RASL12: variants seen among roughly 807,000 people sequenced by gnomAD.
The protein encoded by RASL12 is ras-like protein family member 12.
In RASL12, 16 loss-of-function variants were observed where a neutral mutation model predicts 22.9. The observed-to-expected ratio is 0.70, with a 90% CI of 0.47 to 1.06. The LOEUF (loss-of-function observed/expected upper bound fraction) is 1.06, where lower values mean the gene tolerates loss of function less well. RASL12 is among the 50% of genes least tolerant of loss of function. RASL12 has a pLI of 0.00. For missense variants in RASL12, 306 were observed against 353.1 expected, an observed-to-expected ratio of 0.87 and a Z score of 1.07; for synonymous variants, 159 against 152.2, an observed-to-expected ratio of 1.04 and a Z score of -0.33.
At chr15:65,074,809 C>T (rs562017198) in intron 1 of RASL12, among the ~76,000 whole-genome samples, 8 of 152,372 alleles carry the variant, frequency 5.3e-5, no homozygotes, top group East Asian at 3.9e-4. Flanking sequence ...TGCGCCCGCA[C>T]GCTGCAGGTG....
At chr15:65,072,508 C>A (rs907568924), upstream of RASL12, among the ~76,000 whole-genome samples, 5 of 152,192 alleles carry the variant, frequency 3.3e-5, no homozygotes, top group Admixed American at 6.5e-5. Context: ...CCTAAGAAGG[C>A]CTGCAGGTAA....
chr15:65,076,502 C>A, intron 1 of RASL12: 1 of 685,728 alleles, frequency 1.5e-6, no homozygotes, highest in South Asian at 1.6e-5. Flanking sequence ...ACTCCAGACA[C>A]GCTACCTTAA....
chr15:65,067,212 G>T (rs2086888009), intron 1 of RASL12, among the ~76,000 whole-genome samples: 1 of 152,092 alleles, frequency 6.6e-6, no homozygotes, highest in Non-Finnish European at 1.5e-5. Flanking sequence ...GAGGGGGAGG[G>T]GTTGGACGGG....
At chr15:65,065,475 T>C (rs2140530472) in intron 1 of RASL12, among the ~76,000 whole-genome samples, 1 of 152,232 alleles carries the variant, frequency 6.6e-6, no homozygotes, top group East Asian at 1.9e-4. Context: ...CAAGTGCCTC[T>C]AATTGCACCG....
In RASL12 at chr15:65,067,943, GC is replaced by G; in HGVS notation, c.-109del. On this transcript the variant is annotated 5_prime_UTR_variant, in exon 1 of 5. Transcript: ENST00000220062. ...GATGCAGGCTTCCCTGGAGCGCGCGGCCCCGGACCCGTCGGCGTCCGCGCCC... is the reference window on the plus strand; with the variant it reads ...GATGCAGGCTTCCCTGGAGCGCGCGGCCCGGACCCGTCGGCGTCCGCGCCC... The G allele has an allele frequency of 8.3e-7, 1 of 1,207,892 alleles. No individual in the cohort carries two copies. Among genetic ancestry groups the G allele is most frequent in the Non-Finnish European group, 1.0e-6 (1 of 972,564 alleles). 74.8% of individuals were successfully genotyped at this position (1,207,892 alleles called of 1,614,324 possible).
intron 1 of RASL12, among the ~76,000 whole-genome samples, chr15:65,075,531 G>A (rs144750642): frequency 0.029 from 4,459 of 152,312 alleles, 82 homozygotes; most frequent in Non-Finnish European, 0.039. Context: ...CTAGCTCAGG[G>A]ATTGTGAATA....
chr15:65,059,262 C>G, intron 3 of RASL12, 83 bp downstream of exon 3: 1 of 1,203,064 alleles, frequency 8.3e-7, no homozygotes, highest in Non-Finnish European at 1.2e-6. Context: ...AAATGCCTAT[C>G]TGAGGTCCCG....
chr15:65,067,672 C>T, intron 1 of RASL12, 61 bp downstream of exon 1: 1 of 1,488,160 alleles, frequency 6.7e-7, no homozygotes, highest in Non-Finnish European at 8.9e-7. Flanking sequence ...GCACAGCCCA[C>T]TGTCCCCCCA....
downstream of RASL12, chr15:65,049,800 G>A: frequency 1.2e-5 from 4 of 340,682 alleles, no homozygotes; most frequent in Non-Finnish European, 2.2e-5. Context: ...GGTCGTTTTT[G>A]TCCCATAACT....
chr15:65,062,247 C>T (rs952371499), intron 2 of RASL12, among the ~76,000 whole-genome samples: 2 of 152,130 alleles, frequency 1.3e-5, no homozygotes, highest in Non-Finnish European at 2.9e-5. Flanking sequence ...CAGGCAAAGC[C>T]CTTCCACAGA....
At position 65,054,168 on chromosome 15, in the gene RASL12, G is replaced by A. The variant is rs1488990194; in HGVS notation, c.*731C>T. 9 of 985,904 alleles carry A rather than the reference G, an allele frequency of 9.1e-6. No individual in the cohort carries two copies. The highest frequency in any genetic ancestry group is 1.7e-5 in the African/African-American group (1 of 57,348). The allele number at this position is 985,904 out of a possible 1,614,324, so 61.1% of individuals were successfully genotyped here. On this transcript the variant is annotated 3_prime_UTR_variant, in exon 5 of 5. Coordinates refer to ENST00000220062, the MANE Select transcript of RASL12 (RefSeq NM_016563.4). ...GAGGGAGCTGATGCTGAGGTTCTTTGGACAGAGTCCTTAACAGTGGGAAAA... is the reference window on the plus strand; with the variant it reads ...GAGGGAGCTGATGCTGAGGTTCTTTAGACAGAGTCCTTAACAGTGGGAAAA...
At chr15:65,059,047 T>G (rs532084092) in intron 3 of RASL12, among the ~76,000 whole-genome samples, 1 of 152,326 alleles carries the variant, frequency 6.6e-6, no homozygotes, top group South Asian at 2.1e-4. Flanking sequence ...ACCAGGAGCA[T>G]CTGTGTAAAC....
rs2086708178 is a variant in RASL12 at position 65,055,009 on chromosome 15, C to T, written c.691G>A (p.Glu231Lys). The change falls in exon 5 of 5, where the codon GAG becomes AAG. Residue 231 changes from glutamate (E) to lysine (K), a missense_variant. Glu to Lys is a moderately conservative substitution (Grantham distance 56, BLOSUM62 1). Coordinates refer to ENST00000220062, the MANE Select transcript of RASL12 (RefSeq NM_016563.4). ...TTGGCCTGGGCCACAGTGGGCATCT[C>T]CTTCAGGTTGATGGTGGAGAGCGTG... Reference protein sequence around the residue: ...FNTLSTINLKEMPTVAQAKLV... With the variant: ...FNTLSTINLKKMPTVAQAKLV... The T allele has an allele frequency of 1.9e-6, 3 of 1,613,968 alleles. No individual in the cohort carries two copies. The highest frequency in any genetic ancestry group is 2.2e-5 in the South Asian group (2 of 91,072).
chr15:65,069,086 C>CATCT (rs1485756437), upstream of RASL12, among the ~76,000 whole-genome samples: 1 of 152,178 alleles, frequency 6.6e-6, no homozygotes, highest in African/African-American at 2.4e-5. Context: ...ATGGTTAACT[C>CATCT]ATCTACCCAC....
downstream of RASL12, chr15:65,049,876 T>C (rs1298928730): frequency 1.0e-4 from 58 of 570,462 alleles, no homozygotes. Context: ...TATCCAGTCA[T>C]GCTGTCTGCT....
downstream of RASL12, chr15:65,052,988 G>T: frequency 6.2e-7 from 1 of 1,613,150 alleles, no homozygotes; most frequent in Non-Finnish European, 8.5e-7. Context: ...GCAGCCACCA[G>T]AAAAAGAAAC....
At chr15:65,065,776 G>A (rs144496965) in intron 1 of RASL12, among the ~76,000 whole-genome samples, 19 of 152,276 alleles carry the variant, frequency 1.2e-4, no homozygotes, top group Non-Finnish European at 2.8e-4. Context: ...GGCTTTCCAG[G>A]TAAGGTCCAG....
rs752341519 is a variant in RASL12 at position 65,059,353 on chromosome 15, C to CA, written c.225dup (p.Ala76CysfsTer32). The CA allele has an allele frequency of 6.2e-7, 1 of 1,613,736 alleles. No homozygotes were observed. Among genetic ancestry groups the CA allele is most frequent in the African/African-American group, 1.3e-5 (1 of 75,050 alleles). ...AATGGAGGTAATGTTACCAGGTCTG[C>CA]AGTGTCCATGACCCTCAGGTGGACA... On this transcript the variant is annotated frameshift_variant, in exon 3 of 5. Coordinates refer to ENST00000220062, the MANE Select transcript of RASL12 (RefSeq NM_016563.4). LOFTEE classifies it high-confidence loss of function.
upstream of RASL12, among the ~76,000 whole-genome samples, chr15:65,071,283 C>T (rs916057120): frequency 6.6e-6 from 1 of 152,172 alleles, no homozygotes; most frequent in African/African-American, 2.4e-5. Context: ...TCTTTGCCCC[C>T]ATCCCCAACC....
Sources: gnomAD v4.1 joint callset for allele counts (sites outside exome capture counted in the v4.1 genomes callset) on GRCh38, gnomAD v4.1.1 for gene constraint, MANE v1.5 for transcripts, NCBI Gene and HGNC (gene_info 2026-07-23, HGNC 2026-07-21) for gene names.